MAD1L1: variants seen among roughly 807,000 people sequenced by gnomAD.
MAD1L1 encodes mitotic spindle assembly checkpoint protein MAD1.
In MAD1L1, 95 loss-of-function variants were observed where a neutral mutation model predicts 96.9. The ratio of observed to expected loss-of-function variants is 0.98; its 90% CI spans 0.83 to 1.16. The LOEUF is 1.16. MAD1L1 is among the 50% of genes most tolerant of loss of function. The probability of loss-of-function intolerance (pLI) is 0.00; values close to 1 mark genes in which losing one functional copy is unlikely to be tolerated. For synonymous variants in MAD1L1, 473 were observed against 396.6 expected (o/e 1.19, Z -2.29); for missense variants, 1,007 against 954.4 (o/e 1.06, Z -0.73).
intron 17 of MAD1L1, among the ~76,000 whole-genome samples, chr7:1,928,280 C>G (rs576707470): frequency 3.3e-5 from 5 of 151,398 alleles, no homozygotes; most frequent in Admixed American, 1.3e-4. Context: ...GAGGAGCCCA[C>G]GACAGAACTG....
chr7:1,870,817 G>C (rs1310503046), intron 18 of MAD1L1, among the ~76,000 whole-genome samples: 1 of 43,452 alleles, frequency 2.3e-5, no homozygotes, highest in Admixed American at 3.0e-4. Context: ...CTGCCACGCT[G>C]AACCGACCAT....
chr7:1,898,403 C>T lies in MAD1L1; in HGVS notation c.1808-13G>A, dbSNP rs962500902. On this transcript the variant is annotated splice_polypyrimidine_tract_variant and intron_variant, in intron 17 of 18. Transcript: ENST00000265854. Reference sequence around the variant, plus strand: ...TGCTTCTTCAGCTCTGCGGGAGGGACGGAAGGAGACAGTGAGTGCGGCACC... The same window carrying T: ...TGCTTCTTCAGCTCTGCGGGAGGGATGGAAGGAGACAGTGAGTGCGGCACC... The T allele has an allele frequency of 1.6e-5, 25 of 1,611,694 alleles. No homozygotes were observed. Among genetic ancestry groups the T allele is most frequent in the Admixed American group, 1.2e-4 (7 of 59,942 alleles).
At chr7:2,033,136 G>C (rs765411665) in intron 12 of MAD1L1, among the ~76,000 whole-genome samples, 12 of 152,208 alleles carry the variant, frequency 7.9e-5, no homozygotes, top group Non-Finnish European at 1.8e-4. Context: ...TCATACACTC[G>C]CCAGCCAGGC....
At chr7:2,007,778 T>A (rs1423047444) in intron 13 of MAD1L1, among the ~76,000 whole-genome samples, 3 of 152,242 alleles carry the variant, frequency 2.0e-5, no homozygotes, top group African/African-American at 7.2e-5. Context: ...CACGCAGATA[T>A]TCACAGCAGC....
At chr7:1,862,457 C>T (rs1313808123) in intron 18 of MAD1L1, among the ~76,000 whole-genome samples, 8 of 152,208 alleles carry the variant, frequency 5.3e-5, no homozygotes, top group South Asian at 2.1e-4. Context: ...GGATTTGTGC[C>T]GGAGAGTCCC....
At chr7:1,903,910 TC>T (rs1438063829) in intron 17 of MAD1L1, among the ~76,000 whole-genome samples, 6 of 122,898 alleles carry the variant, frequency 4.9e-5, no homozygotes, top group South Asian at 2.7e-4. Context: ...TCATGATTGA[TC>T]AAGCACTGTT....
At chr7:1,999,094 T>C (rs932414741) in intron 14 of MAD1L1, among the ~76,000 whole-genome samples, 24 of 152,144 alleles carry the variant, frequency 1.6e-4, no homozygotes, top group African/African-American at 5.8e-4. Context: ...AGGAGCATCT[T>C]TCAGGCCTGC....
intron 18 of MAD1L1, among the ~76,000 whole-genome samples, chr7:1,887,880 CGT>C (rs1437642212): frequency 3.4e-5 from 4 of 116,556 alleles, no homozygotes; most frequent in Non-Finnish European, 5.1e-5. Context: ...TGCAAGCATG[CGT>C]GTGTGTGGCT....
rs1271534855 is a variant in MAD1L1, at chr7:2,119,818, C to A, written c.1073+29334G>T. Among the ~76,000 whole-genome samples, 3 of 152,192 alleles carry A rather than the reference C, an allele frequency of 2.0e-5. No homozygotes were observed. In the East Asian group the frequency reaches 5.8e-4, roughly 29 times the overall value. ...CACGTCCCACGACAACTGTTCCAGA[C>A]CCCTAGGCTCTTTCCTGCTGGCTCC... On this transcript the variant is annotated intron_variant, in intron 11 of 18. Transcript: ENST00000265854. The surrounding 1 kb of genome is among the most constrained non-coding windows in gnomAD (Gnocchi z 4.6).
rs74301198 is a variant in MAD1L1 at position 1,878,232 on chromosome 7, C to T, written c.1998+19968G>A. 1.5e-3 allele frequency among the ~76,000 whole-genome samples: 235 copies of T among 152,022 alleles called. 5 individuals are homozygous for T. In the East Asian group the frequency reaches 0.044, roughly 28 times the overall value. On this transcript the variant is annotated intron_variant, in intron 18 of 18. Coordinates refer to ENST00000265854, the MANE Select transcript of MAD1L1 (RefSeq NM_001013836.2). ...GCCCAGATGACCTCACTAGTGAATT[C>T]TATCAGATATTTAGGGAAGAAATAT...
chr7:1,954,650 CTG>C (rs1779646351), intron 16 of MAD1L1, among the ~76,000 whole-genome samples: 1 of 152,226 alleles, frequency 6.6e-6, no homozygotes, highest in South Asian at 2.1e-4. Flanking sequence ...CGCCCGATTT[CTG>C]TCTTCACTTC....
intron 10 of MAD1L1, among the ~76,000 whole-genome samples, chr7:2,189,416 T>A (rs1176310703): frequency 6.6e-6 from 1 of 152,204 alleles, no homozygotes; most frequent in African/African-American, 2.4e-5. Context: ...GGTGACTGGA[T>A]AAGAAGAACG....
Position 2,114,651 on chromosome 7 carries a change from C to G in MAD1L1, c.1073+34501G>C, listed in dbSNP as rs117365244. Among the ~76,000 whole-genome samples, 3,612 of 152,352 alleles carry G rather than the reference C, an allele frequency of 0.024. 64 individuals carry two copies. Among genetic ancestry groups the G allele is most frequent in the Non-Finnish European group, 0.037 (2,506 of 68,038 alleles). On this transcript the variant is annotated intron_variant, in intron 11 of 18. Transcript: ENST00000265854. The surrounding 1 kb of genome is among the most constrained non-coding windows in gnomAD (Gnocchi z 4.2). ...GCCTGTGGCCAAATCCCACCCACAG[C>G]CTGTTTTTGTAAACAACTTTTGTTT...
chr7:1,963,090 C>T (rs1252123959), intron 15 of MAD1L1, among the ~76,000 whole-genome samples: 1 of 152,240 alleles, frequency 6.6e-6, no homozygotes, highest in Non-Finnish European at 1.5e-5. Flanking sequence ...CCACTCCACA[C>T]TAGGCGTTTA....
At chr7:2,098,953 G>C (rs974089959) in intron 11 of MAD1L1, among the ~76,000 whole-genome samples, 1 of 144,176 alleles carries the variant, frequency 6.9e-6, no homozygotes, top group Non-Finnish European at 1.6e-5. Context: ...AAGAGGGCAG[G>C]TGGGAATTCT....
At chr7:1,961,513 A>T (rs979434903) in intron 15 of MAD1L1, among the ~76,000 whole-genome samples, 2 of 152,258 alleles carry the variant, frequency 1.3e-5, no homozygotes, top group African/African-American at 4.8e-5. Flanking sequence ...GTTCTGGAAC[A>T]ACTGGGTGTT....
chr7:2,091,775 C>CAAA (rs35981269), intron 11 of MAD1L1, among the ~76,000 whole-genome samples: 1 of 125,410 alleles, frequency 8.0e-6, no homozygotes, highest in Non-Finnish European at 1.7e-5. Flanking sequence ...GACTCCATCT[C>CAAA]AAAAAAAAAA....
At chr7:2,141,733 G>A (rs1252350907) in intron 11 of MAD1L1, among the ~76,000 whole-genome samples, 4 of 152,174 alleles carry the variant, frequency 2.6e-5, no homozygotes, top group Non-Finnish European at 4.4e-5. Flanking sequence ...ACAGAGGAGC[G>A]GGCGGCTGCA....
intron 15 of MAD1L1, among the ~76,000 whole-genome samples, chr7:1,979,941 T>C (rs900440716): frequency 1.3e-5 from 2 of 152,118 alleles, no homozygotes; most frequent in Admixed American, 6.5e-5. Context: ...GCTGGAGAAG[T>C]GCTGCTGAAG....
Sources: allele counts gnomAD v4.1 joint callset (sites outside exome capture counted in the v4.1 genomes callset), GRCh38; gene constraint gnomAD v4.1.1; non-coding constraint Gnocchi (gnomAD v3.1); transcripts MANE v1.5; gene names NCBI Gene and HGNC (gene_info 2026-07-23, HGNC 2026-07-21).